Variants in GADL1 observed in about 807,000 individuals in gnomAD.
The protein encoded by GADL1 is acidic amino acid decarboxylase GADL1.
GADL1 carries 71 observed loss-of-function variants against 69.5 expected under a neutral mutation model. That is an observed-to-expected ratio of 1.02 (90% CI 0.84 to 1.25). The LOEUF is 1.25. Among genes scored for constraint, GADL1 ranks in the 50% most tolerant of loss-of-function variants. The pLI, the probability that GADL1 is intolerant of heterozygous loss-of-function variation, is 0.00. For missense variants in GADL1, 737 were observed against 631.8 expected (o/e 1.17, Z -1.79); for synonymous variants, 254 against 214.4 (o/e 1.18, Z -1.62).
chr3:30,763,954 C>T (rs1350295364), intron 14 of GADL1, among the ~76,000 whole-genome samples: 2 of 152,076 alleles, frequency 1.3e-5, no homozygotes, highest in African/African-American at 2.4e-5. Context: ...AAAAAATCTT[C>T]CCATTGACTT....
At chr3:30,832,009 C>A (rs577423621) in intron 11 of GADL1, among the ~76,000 whole-genome samples, 1 of 151,876 alleles carries the variant, frequency 6.6e-6, no homozygotes, top group African/African-American at 2.4e-5. Context: ...AGCCTAGACT[C>A]GCACAGTGTC....
intron 12 of GADL1, among the ~76,000 whole-genome samples, chr3:30,788,513 A>C (rs1228584374): frequency 6.6e-6 from 1 of 152,178 alleles, no homozygotes; most frequent in Non-Finnish European, 1.5e-5. Flanking sequence ...CTGACTGATC[A>C]AAAGGCTGAA....
chr3:30,886,118 T>C (rs1698705967), intron 1 of GADL1, among the ~76,000 whole-genome samples: 1 of 152,136 alleles, frequency 6.6e-6, no homozygotes, highest in Admixed American at 6.6e-5. Flanking sequence ...TGAAAATTAC[T>C]AATATTTGAA....
At chr3:30,784,063 G>A (rs772839255) in intron 13 of GADL1, among the ~76,000 whole-genome samples, 9 of 152,032 alleles carry the variant, frequency 5.9e-5, no homozygotes, top group Non-Finnish European at 1.3e-4. Flanking sequence ...AAAATATAAA[G>A]TGATCAAACT....
intron 14 of GADL1, among the ~76,000 whole-genome samples, chr3:30,741,061 AATGT>A (rs1695616780): frequency 8.3e-6 from 1 of 121,112 alleles, no homozygotes; most frequent in Non-Finnish European, 1.6e-5. Flanking sequence ...CAGATATATA[AATGT>A]TTGTATAAAT....
At chr3:30,742,541 A>T (rs1695641717) in intron 14 of GADL1, among the ~76,000 whole-genome samples, 1 of 152,114 alleles carries the variant, frequency 6.6e-6, no homozygotes, top group Admixed American at 6.5e-5. Context: ...ATAGATATAC[A>T]ATCACACAAT....
intron 11 of GADL1, among the ~76,000 whole-genome samples, chr3:30,818,640 C>T (rs1697517272): frequency 1.3e-5 from 2 of 152,208 alleles, no homozygotes; most frequent in Admixed American, 1.3e-4. Context: ...TTATAAAAGC[C>T]ATTAATATAA....
chr3:30,821,908 T>C (rs1350960483), intron 11 of GADL1, among the ~76,000 whole-genome samples: 1 of 152,056 alleles, frequency 6.6e-6, no homozygotes, highest in East Asian at 1.9e-4. Flanking sequence ...TCCAGTCTTC[T>C]GACCCTTAAT....
At chr3:30,780,453 T>C (rs537490188) in intron 13 of GADL1, among the ~76,000 whole-genome samples, 314 of 152,188 alleles carry the variant, frequency 2.1e-3, no homozygotes, top group Non-Finnish European at 3.7e-3. Flanking sequence ...CTCCTGTTCA[T>C]TTTTAGGTTT....
chr3:30,732,965 G>A (rs963115528), intron 14 of GADL1, among the ~76,000 whole-genome samples: 4 of 152,054 alleles, frequency 2.6e-5, no homozygotes, highest in Non-Finnish European at 5.9e-5. Context: ...GCTGCGGCAC[G>A]GGACGCAGGG....
chr3:30,764,316 C>G (rs1257564585), intron 14 of GADL1, among the ~76,000 whole-genome samples: 1 of 152,034 alleles, frequency 6.6e-6, no homozygotes, highest in Non-Finnish European at 1.5e-5. Context: ...CTGATAGATT[C>G]TGGTGTGTAG....
rs1430958139 is a variant in GADL1, at chr3:30,762,602, TTATC to T, written c.1392+15573_1392+15576del. The stretch of plus-strand genomic sequence containing the variant: ...ATGAGGTATACATTCCCTCAAGCAT[TTATC>T]TATTGAGTTGCAAATGTCCCAACCA... On this transcript the variant is annotated intron_variant, in intron 14 of 14. Coordinates refer to ENST00000282538, the MANE Select transcript of GADL1 (RefSeq NM_207359.3). Among the ~76,000 whole-genome samples, 12 of 152,238 alleles carry T rather than the reference TTATC, an allele frequency of 7.9e-5. No homozygotes were observed. The East Asian group carries it at 1.7e-3, about 22-fold the overall frequency.
At chr3:30,733,060 A>G (rs1695487700) in intron 14 of GADL1, among the ~76,000 whole-genome samples, 2 of 152,222 alleles carry the variant, frequency 1.3e-5, no homozygotes, top group African/African-American at 4.8e-5. Flanking sequence ...AATAAAATAC[A>G]AAGTGTTTTT....
In GADL1 at chr3:30,868,101, A is replaced by G. The variant is rs187983055; in HGVS notation, c.38-6336T>C. ...CAATGGTCACAAAACTTTTCCTGAG[A>G]GTGACTCCAAATATGCATTTCTGTC... On this transcript the variant is annotated intron_variant, in intron 1 of 14. Coordinates refer to ENST00000282538, the MANE Select transcript of GADL1 (RefSeq NM_207359.3). 4.7e-4 allele frequency among the ~76,000 whole-genome samples: 71 copies of G among 152,156 alleles called. 1 individual carries two copies. The highest frequency in any genetic ancestry group is 7.9e-4 in the Admixed American group (12 of 15,266).
intron 1 of GADL1, among the ~76,000 whole-genome samples, chr3:30,874,026 A>C (rs1476282374): frequency 6.6e-6 from 1 of 151,974 alleles, no homozygotes; most frequent in Non-Finnish European, 1.5e-5. Context: ...AAATTAAAAC[A>C]GATGGTCCAA....
At chr3:30,849,314 G>C (rs1056483552) in intron 6 of GADL1, among the ~76,000 whole-genome samples, 4 of 152,100 alleles carry the variant, frequency 2.6e-5, no homozygotes, top group Admixed American at 1.3e-4. Flanking sequence ...TCTATATTTG[G>C]GGTGATTTGT....
intron 12 of GADL1, among the ~76,000 whole-genome samples, chr3:30,791,235 T>C (rs972631685): frequency 1.3e-5 from 2 of 152,168 alleles, no homozygotes; most frequent in Non-Finnish European, 2.9e-5. Context: ...AGAAAAGCTT[T>C]GTGAACCATC....
At chr3:30,763,516 G>GGGGTGGGGGTGA (rs1696192605) in intron 14 of GADL1, among the ~76,000 whole-genome samples, 1 of 123,888 alleles carries the variant, frequency 8.1e-6, no homozygotes, top group African/African-American at 3.1e-5. Context: ...GCGGGGGGTG[G>GGGGTGGGGGTGA]GGGTGGGGGG....
At position 30,800,854 on chromosome 3, in the gene GADL1, A is replaced by G. The variant is rs111777308; in HGVS notation, c.1250+35T>C. 766 of 1,184,982 alleles carry G rather than the reference A, an allele frequency of 6.5e-4. 4 individuals carry two copies. The highest frequency in any genetic ancestry group is 5.9e-3 in the African/African-American group (352 of 59,480). 73.4% of individuals were successfully genotyped at this position (1,184,982 alleles called of 1,614,324 possible). A position where few individuals can be genotyped will look rare whatever the true frequency, so the allele number is the denominator to read the frequency against. ...ACACACACACACACACACACACAGA[A>G]AGAGAGAGAGAGAGAGAGAGAGAGA... is the stretch of plus-strand genomic sequence containing the variant. On this transcript the variant is annotated intron_variant, in intron 12 of 14. Transcript: ENST00000282538.
Sources: allele counts gnomAD v4.1 joint callset (sites outside exome capture counted in the v4.1 genomes callset), GRCh38; gene constraint gnomAD v4.1.1; transcripts MANE v1.5; gene names NCBI Gene and HGNC (gene_info 2026-07-23, HGNC 2026-07-21).